LURAP1L: variants seen among roughly 807,000 people sequenced by gnomAD.
LURAP1L encodes leucine rich adaptor protein 1-like.
Under a neutral mutation model 13.8 loss-of-function variants are expected in LURAP1L, and 12 were observed. The observed-to-expected ratio is 0.87, with a 90% confidence interval of 0.56 to 1.41. The LOEUF is 1.41. Ranked by LOEUF, LURAP1L falls within the 40% of genes most tolerant of loss-of-function variation. LURAP1L has a pLI of 0.00. For missense variants in LURAP1L, 375 were observed against 292.9 expected (o/e 1.28, Z -2.04); for synonymous variants, 139 against 119.2 (o/e 1.17, Z -1.08).
intron 1 of LURAP1L, among the ~76,000 whole-genome samples, chr9:12,798,710 A>T (rs1282627394): frequency 6.6e-6 from 1 of 152,212 alleles, no homozygotes; most frequent in East Asian, 1.9e-4. Flanking sequence ...ATCTGGCCAT[A>T]GTCATTATCA....
At position 12,775,866 on chromosome 9, in the gene LURAP1L, G is replaced by A; in HGVS notation, c.151G>A (p.Gly51Ser). 6.3e-7 allele frequency: 1 copy of A among 1,575,756 alleles called. No homozygotes were observed. The highest frequency in any genetic ancestry group is 8.6e-7 in the Non-Finnish European group (1 of 1,160,940). ...DPCGGSGGGG[G>S]GGGGCSSSSS... ...CTGCGGGGGGAGCGGTGGTGGTGGC[G>A]GCGGCGGCGGCGGCTGCAGTAGCAG... is the stretch of plus-strand genomic sequence containing the variant. The change falls in exon 1 of 2, where the codon GGC (glycine) becomes AGC (serine). Residue 51 changes from glycine (G) to serine (S), a missense_variant. Transcript: ENST00000319264.
intron 1 of LURAP1L, among the ~76,000 whole-genome samples, chr9:12,776,936 A>G (rs1337660731): frequency 1.3e-5 from 2 of 152,164 alleles, no homozygotes; most frequent in African/African-American, 4.8e-5. Flanking sequence ...CTGGTTAGAG[A>G]AAATGATCCC....
chr9:12,776,270 C>T (rs1385905733), intron 1 of LURAP1L, among the ~76,000 whole-genome samples: 1 of 152,150 alleles, frequency 6.6e-6, no homozygotes, highest in Non-Finnish European at 1.5e-5. Flanking sequence ...GCTGGCTCCA[C>T]TCTGTGTACT....
intron 1 of LURAP1L, among the ~76,000 whole-genome samples, chr9:12,806,216 A>T (rs1819654281): frequency 6.6e-6 from 1 of 152,232 alleles, no homozygotes; most frequent in Non-Finnish European, 1.5e-5. Context: ...TTAATGAGAG[A>T]ACCAGCAAGA....
intron 1 of LURAP1L, among the ~76,000 whole-genome samples, chr9:12,811,117 T>C (rs1299042804): frequency 6.6e-6 from 1 of 152,180 alleles, no homozygotes; most frequent in Non-Finnish European, 1.5e-5. Flanking sequence ...ACCATCCTAA[T>C]CACCTCCTCT....
At chr9:12,776,446 C>T (rs960915042) in intron 1 of LURAP1L, among the ~76,000 whole-genome samples, 1 of 152,152 alleles carries the variant, frequency 6.6e-6, no homozygotes, top group Non-Finnish European at 1.5e-5. Context: ...AATGCACTTA[C>T]TGCAAAAATA....
chr9:12,821,577 C>A lies in LURAP1L; in HGVS notation c.504C>A (p.His168Gln). The change falls in exon 2 of 2, where the codon CAC becomes CAA. Residue 168 changes from histidine (H) to glutamine (Q), a missense_variant. Transcript: ENST00000319264. ...TSLRGSYNSL[H>Q]DGSDGLDGIS... ...TACGTGGCAGCTACAACAGCCTACA[C>A]GATGGCAGTGATGGGCTGGATGGCA... 6.2e-7 allele frequency: 1 copy of A among 1,614,152 alleles called. No homozygotes were observed. Among genetic ancestry groups the A allele is most frequent in the Non-Finnish European group, 8.5e-7 (1 of 1,180,024 alleles).
intron 1 of LURAP1L, among the ~76,000 whole-genome samples, chr9:12,808,716 C>G: frequency 6.6e-6 from 1 of 152,064 alleles, no homozygotes; most frequent in East Asian, 1.9e-4. Context: ...ATTTATCCTC[C>G]TAGATGTTCT....
intron 1 of LURAP1L, among the ~76,000 whole-genome samples, chr9:12,813,239 T>G (rs965985016): frequency 4.6e-5 from 7 of 152,166 alleles, no homozygotes; most frequent in African/African-American, 1.4e-4. Context: ...TTATTAAAAT[T>G]TAAAGTATTT....
chr9:12,785,747 AG>A (rs1819341359), intron 1 of LURAP1L, among the ~76,000 whole-genome samples: 1 of 152,162 alleles, frequency 6.6e-6, no homozygotes, highest in African/African-American at 2.4e-5. Flanking sequence ...GAGATGGAGG[AG>A]GGGCTGTGTA....
At position 12,805,063 on chromosome 9, in the gene LURAP1L, G is replaced by A. The variant is rs950311537; in HGVS notation, c.313-16323G>A. ...TTAAGTTAAATGATGTTTATTTTTC[G>A]TAATGACAAAACAAGGAAAATTTTG... On this transcript the variant is annotated intron_variant, in intron 1 of 1. Transcript: ENST00000319264. 4.6e-5 allele frequency among the ~76,000 whole-genome samples: 7 copies of A among 151,912 alleles called. No homozygotes were observed. The East Asian group carries it at 5.8e-4, about 13-fold the overall frequency.
intron 1 of LURAP1L, among the ~76,000 whole-genome samples, chr9:12,776,755 G>C (rs1426733973): frequency 6.6e-6 from 1 of 152,106 alleles, no homozygotes; most frequent in Admixed American, 6.5e-5. Flanking sequence ...GTCTCAATCT[G>C]CAGTTGTTTT....
chr9:12,805,381 A>G (rs1563895432), intron 1 of LURAP1L, among the ~76,000 whole-genome samples: 1 of 152,164 alleles, frequency 6.6e-6, no homozygotes, highest in Non-Finnish European at 1.5e-5. Context: ...TTATTATGAT[A>G]AATAGTTATA....
At chr9:12,818,130 TAA>T (rs35502818) in intron 1 of LURAP1L, among the ~76,000 whole-genome samples, 15,005 of 118,950 alleles carry the variant, frequency 0.13, 1,255 homozygotes, top group African/African-American at 0.26. Context: ...TTGCTTCCAC[TAA>T]AAAAAAAAAA....
Position 12,821,667 on chromosome 9 carries a change from C to G in LURAP1L, c.594C>G (p.Asp198Glu). 1.2e-6 allele frequency: 2 copies of G among 1,614,168 alleles called. No homozygotes were observed. The highest frequency in any genetic ancestry group is 1.7e-6 in the Non-Finnish European group (2 of 1,180,026). The change falls in exon 2 of 2, where the codon GAC (aspartate) becomes GAG (glutamate). Residue 198 changes from aspartate to glutamate, a missense_variant. Asp to Glu is a conservative substitution (Grantham distance 45, BLOSUM62 2). Coordinates refer to ENST00000319264, the MANE Select transcript of LURAP1L (RefSeq NM_203403.2). ...DDVPGHQTPSDLDQFSDSSLI... is the reference protein window; with the variant it reads ...DDVPGHQTPSELDQFSDSSLI... ...TCCCAGGCCATCAGACCCCTTCAGA[C>G]TTGGACCAATTCAGTGACAGCTCCC...
chr9:12,821,687 G>A lies in LURAP1L; in HGVS notation c.614G>A (p.Ser205Asn), dbSNP rs1437703575. 5 of 1,614,060 alleles carry A rather than the reference G, an allele frequency of 3.1e-6. No individual in the cohort carries two copies. In the African/African-American group the frequency reaches 6.7e-5, roughly 22 times the overall value. The change falls in exon 2 of 2, where the codon AGC becomes AAC. Residue 205 changes from serine to asparagine, a missense_variant. Coordinates refer to ENST00000319264, the MANE Select transcript of LURAP1L (RefSeq NM_203403.2). ...TCAGACTTGGACCAATTCAGTGACAGCTCCCTCATAGAGGACTCACAGGCA... is the reference window on the plus strand; with the variant it reads ...TCAGACTTGGACCAATTCAGTGACAACTCCCTCATAGAGGACTCACAGGCA... ...TPSDLDQFSD[S>N]SLIEDSQALH...
Position 12,821,764 on chromosome 9 carries a change from C to T in LURAP1L, c.*4C>T, listed in dbSNP as rs540721145. The T allele has an allele frequency of 5.0e-5, 81 of 1,606,194 alleles. No individual in the cohort carries two copies. In the South Asian group the frequency reaches 8.6e-4, roughly 17 times the overall value. On this transcript the variant is annotated 3_prime_UTR_variant, in exon 2 of 2. Coordinates refer to ENST00000319264, the MANE Select transcript of LURAP1L (RefSeq NM_203403.2). The stretch of plus-strand genomic sequence containing the variant: ...TGAATACTACTGCTTTGGCTAGTGA[C>T]AGTTTTTTGCATGGGACTGGTGTGC...
chr9:12,778,065 C>G (rs1819216667), intron 1 of LURAP1L, among the ~76,000 whole-genome samples: 1 of 152,068 alleles, frequency 6.6e-6, no homozygotes, highest in South Asian at 2.1e-4. Context: ...TCTCTAAGGT[C>G]CCTGATAATT....
intron 1 of LURAP1L, among the ~76,000 whole-genome samples, chr9:12,815,452 C>T (rs570388694): frequency 6.6e-6 from 1 of 152,264 alleles, no homozygotes; most frequent in South Asian, 2.1e-4. Flanking sequence ...TTAGTTTCTC[C>T]TAATGAGAAA....
Sources: allele counts gnomAD v4.1 joint callset (sites outside exome capture counted in the v4.1 genomes callset), GRCh38; gene constraint gnomAD v4.1.1; transcripts MANE v1.5; gene names NCBI Gene and HGNC (gene_info 2026-07-23, HGNC 2026-07-21).